Variants in TNXB observed in about 807,000 individuals in gnomAD.
TNXB encodes the protein tenascin-X.
TNXB carries 183 observed loss-of-function variants against 340.5 expected under a neutral mutation model. That is an observed-to-expected ratio of 0.54 (90% CI 0.48 to 0.61). TNXB has a LOEUF of 0.61. Among genes scored for constraint, TNXB ranks in the 20% least tolerant of loss-of-function variants. The pLI is 0.00. For synonymous variants in TNXB, 2,121 were observed against 2,314.5 expected, an observed-to-expected ratio of 0.92 and a Z score of 2.40; for missense variants, 4,613 against 5,446.4, an observed-to-expected ratio of 0.85 and a Z score of 4.82.
chr6:32,107,015 C>T (rs1319020853), intron 1 of TNXB, among the ~76,000 whole-genome samples: 1 of 152,280 alleles, frequency 6.6e-6, no homozygotes, highest in Non-Finnish European at 1.5e-5. Flanking sequence ...CCAATCTCCC[C>T]TTCAGGTTTC....
chr6:32,054,334 G>T (rs1198698211), intron 24 of TNXB, among the ~76,000 whole-genome samples: 2 of 152,146 alleles, frequency 1.3e-5, no homozygotes, highest in African/African-American at 4.8e-5. Flanking sequence ...CAGCTGCTGG[G>T]GCCATCTCAG....
chr6:32,097,621 A>G lies in TNXB; in HGVS notation c.404-172T>C. The G allele has an allele frequency of 1.8e-6, 2 of 1,095,344 alleles. No individual in the cohort carries two copies. The highest frequency in any genetic ancestry group is 2.5e-6 in the Non-Finnish European group (2 of 789,302). 67.9% of individuals were successfully genotyped at this position (1,095,344 alleles called of 1,614,324 possible). On this transcript the variant is annotated intron_variant, in intron 2 of 43. Coordinates refer to ENST00000644971, the MANE Select transcript of TNXB (RefSeq NM_001365276.2). This position sits in a 1 kb window ranked among gnomAD's most constrained non-coding sequence, Gnocchi z 5.9. ...ATGCAGCCTCTCAGGGCCCTCGCAT[A>G]TGCTTTGGTTGACATGTAGCCCAGC...
chr6:32,087,191 C>T lies in TNXB; in HGVS notation c.2780-1073G>A. 2.1e-6 allele frequency: 1 copy of T among 471,238 alleles called. No individual in the cohort carries two copies. Among genetic ancestry groups the T allele is most frequent in the East Asian group, 6.3e-5 (1 of 15,846 alleles). The allele number at this position is 471,238 out of a possible 1,614,324, so 29.2% of individuals were successfully genotyped here. ...AGTGGGAGGAATTCATGAATGCAGG[C>T]TCCAACGGCAGGTGAGGCTGGACAA... On this transcript the variant is annotated intron_variant, in intron 6 of 43. Coordinates refer to ENST00000644971, the MANE Select transcript of TNXB (RefSeq NM_001365276.2). This position sits in a 1 kb window ranked among gnomAD's most constrained non-coding sequence, Gnocchi z 9.0.
Position 32,063,897 on chromosome 6 carries a change from C to T in TNXB, c.6841+924G>A, listed in dbSNP as rs115105416. On this transcript the variant is annotated intron_variant, in intron 19 of 43. Transcript: ENST00000644971. ...ATGCCTTATTAAGTTGTGCACATGG[C>T]CAATATTTACAATTAAAGTAATAGT... is the stretch of plus-strand genomic sequence containing the variant. Among the ~76,000 whole-genome samples the T allele has an allele frequency of 1.7e-3, 258 of 152,170 alleles. 1 individual carries two copies. The highest frequency in any genetic ancestry group is 5.6e-3 in the South Asian group (27 of 4,822).
At chr6:32,048,315 C>G in intron 29 of TNXB, 48 bp downstream of exon 29, 1 of 1,471,084 alleles carries the variant, frequency 6.8e-7, no homozygotes, top group Non-Finnish European at 9.0e-7. Flanking sequence ...ACAGGTGCCA[C>G]AAGGGGGCGA....
chr6:32,076,846 G>T (rs972718987), intron 11 of TNXB, among the ~76,000 whole-genome samples: 1 of 152,140 alleles, frequency 6.6e-6, no homozygotes, highest in Non-Finnish European at 1.5e-5. Flanking sequence ...GCCGGGTGTG[G>T]TGGTGGGCGC....
In TNXB at chr6:32,069,283, A is replaced by C; in HGVS notation, c.5588-147T>G. 1.2e-6 allele frequency: 1 copy of C among 861,372 alleles called. No individual in the cohort carries two copies. The highest frequency in any genetic ancestry group is 2.7e-5 in the East Asian group (1 of 37,468). The allele number at this position is 861,372 out of a possible 1,614,324, so 53.4% of individuals were successfully genotyped here. The stretch of plus-strand genomic sequence containing the variant: ...CTGCACATGGGTGAATTTCAAAAGC[A>C]TTGTGCTAATTGCAAGAAATGAAAC... On this transcript the variant is annotated intron_variant, in intron 15 of 43. Transcript: ENST00000644971. This position sits in a 1 kb window ranked among gnomAD's most constrained non-coding sequence, Gnocchi z 6.2.
intron 1 of TNXB, among the ~76,000 whole-genome samples, chr6:32,107,333 T>A (rs1247977872): frequency 6.6e-6 from 1 of 152,048 alleles, no homozygotes; most frequent in East Asian, 1.9e-4. Context: ...GGAAAGCTGG[T>A]GAGATTGGTC....
Position 32,084,369 on chromosome 6 carries a change from C to G in TNXB, c.3445+44G>C. 1 of 1,527,474 alleles carries G rather than the reference C, an allele frequency of 6.5e-7. No individual in the cohort carries two copies. The highest frequency in any genetic ancestry group is 8.8e-7 in the Non-Finnish European group (1 of 1,131,904). The allele number at this position is 1,527,474 out of a possible 1,614,324, so 94.6% of individuals were successfully genotyped here. On this transcript the variant is annotated intron_variant, in intron 8 of 43. Transcript: ENST00000644971. The surrounding 1 kb of genome is among the most constrained non-coding windows in gnomAD (Gnocchi z 5.5). ...GGTTCCCAAAGCACTGAGAAAACCT[C>G]TTCAGGGCAGTACAGAGGGCAGGGT...
chr6:32,095,492 C>T, intron 3 of TNXB, 119 bp downstream of exon 3: 1 of 1,320,518 alleles, frequency 7.6e-7, no homozygotes, highest in South Asian at 1.4e-5. Flanking sequence ...CCCTGGTGGG[C>T]ACTGGCTCCT....
rs922860253 is a variant in TNXB, at chr6:32,046,699, C to T, written c.10325-243G>A. On this transcript the variant is annotated intron_variant, in intron 30 of 43. Transcript: ENST00000644971. This position sits in a 1 kb window ranked among gnomAD's most constrained non-coding sequence, Gnocchi z 6.9. ...TGCCCCGCCCCTTCCCTGCTGTGAT[C>T]GAGGATGCGCCAAATTCATTACAGA... The T allele has an allele frequency of 9.8e-5, 42 of 430,642 alleles. No homozygotes were observed. Among genetic ancestry groups the T allele is most frequent in the Middle Eastern group, 5.9e-4 (1 of 1,706 alleles). 26.7% of individuals were successfully genotyped at this position (430,642 alleles called of 1,614,324 possible).
intron 22 of TNXB, 98 bp downstream of exon 22, chr6:32,057,960 T>G (rs1391859678): frequency 7.3e-7 from 1 of 1,363,274 alleles, no homozygotes; most frequent in Non-Finnish European, 9.9e-7. Context: ...CCTTTCACTG[T>G]GAGCCCCATC....
At position 32,050,253 on chromosome 6, in the gene TNXB, G is replaced by C; in HGVS notation, c.9184C>G (p.Arg3062Gly). 6.2e-7 allele frequency: 1 copy of C among 1,613,622 alleles called. No individual in the cohort carries two copies. The highest frequency in any genetic ancestry group is 8.5e-7 in the Non-Finnish European group (1 of 1,179,868). The change falls in exon 27 of 44, where the codon CGC (arginine) becomes GGC (glycine). Residue 3062 changes from arginine (R) to glycine (G), a missense_variant. Arg to Gly is a moderately radical substitution (Grantham distance 125, BLOSUM62 -2). Around this residue, in one of 7 missense-constraint regions of TNXB, gnomAD observed 4,327 missense variants for 4,859.4 expected, o/e 0.89. Coordinates refer to ENST00000644971, the MANE Select transcript of TNXB (RefSeq NM_001365276.2). ...TCTGTCACGGTCAGCTCCCCCAGGC[G>C]AGGCTTGATGGGGGGCTCAGGGGTC... is the stretch of plus-strand genomic sequence containing the variant. ...TMTPEPPIKP[R>G]LGELTVTDAT...
chr6:32,064,434 G>A lies in TNXB; in HGVS notation c.6841+387C>T, dbSNP rs186516953. Reference sequence around the variant, plus strand: ...TCATGATGTTGGCCAGGCTGGTCTCGAACTCCTGACCTCAAGTGATCTGCC... The same window carrying A: ...TCATGATGTTGGCCAGGCTGGTCTCAAACTCCTGACCTCAAGTGATCTGCC... On this transcript the variant is annotated intron_variant, in intron 19 of 43. Transcript: ENST00000644971. This position sits in a 1 kb window ranked among gnomAD's most constrained non-coding sequence, Gnocchi z 5.3. Among the ~76,000 whole-genome samples the A allele has an allele frequency of 6.6e-6, 1 of 152,052 alleles. No individual in the cohort carries two copies. The highest frequency in any genetic ancestry group is 1.5e-5 in the Non-Finnish European group (1 of 68,004).
In TNXB at chr6:32,062,275, T is replaced by C; in HGVS notation, c.7050A>G (p.Pro2350=). Residue 2350 remains proline (P), a synonymous_variant, in exon 20 of 44, where the codon CCA becomes CCG. Coordinates refer to ENST00000644971, the MANE Select transcript of TNXB (RefSeq NM_001365276.2). This position sits in a 1 kb window ranked among gnomAD's most constrained non-coding sequence, Gnocchi z 4.3. ...AGATGGTGACCCTGTCCTCATGTCCTGGCACCCGTGTTGCCTTGGGCTGCC... is the reference window on the plus strand; with the variant it reads ...AGATGGTGACCCTGTCCTCATGTCCCGGCACCCGTGTTGCCTTGGGCTGCC... ...GDGQPKATRV[P]GHEDRVTISG... 1 of 1,613,388 alleles carries C rather than the reference T, an allele frequency of 6.2e-7. No homozygotes were observed. Among genetic ancestry groups the C allele is most frequent in the Non-Finnish European group, 8.5e-7 (1 of 1,179,844 alleles).
intron 24 of TNXB, among the ~76,000 whole-genome samples, chr6:32,054,833 C>T (rs773777284): frequency 8.5e-5 from 13 of 152,218 alleles, no homozygotes; most frequent in Non-Finnish European, 1.3e-4. Flanking sequence ...GCCACGGCTG[C>T]TTGGGGCTGG....
rs1232574553 is a variant in TNXB at position 32,051,926 on chromosome 6, G to A, written c.9115+744C>T. Among the ~76,000 whole-genome samples the A allele has an allele frequency of 6.6e-6, 1 of 152,198 alleles. No individual in the cohort carries two copies. The highest frequency in any genetic ancestry group is 2.4e-5 in the African/African-American group (1 of 41,436). On this transcript the variant is annotated intron_variant, in intron 26 of 43. Transcript: ENST00000644971. This position sits in a 1 kb window ranked among gnomAD's most constrained non-coding sequence, Gnocchi z 4.7. Reference sequence around the variant, plus strand: ...ATGGTGTTGCCAGGGGCTGGGGCAAGGGGAGAATGGGAGTTCGTGTCTAGT... The same window carrying A: ...ATGGTGTTGCCAGGGGCTGGGGCAAAGGGAGAATGGGAGTTCGTGTCTAGT...
In TNXB at chr6:32,087,237, C is replaced by T. The variant is rs1779831248; in HGVS notation, c.2780-1119G>A. The T allele has an allele frequency of 2.0e-6, 1 of 498,296 alleles. No homozygotes were observed. The highest frequency in any genetic ancestry group is 2.1e-5 in the Admixed American group (1 of 48,326). 30.9% of individuals were successfully genotyped at this position (498,296 alleles called of 1,614,324 possible). A position where few individuals can be genotyped will look rare whatever the true frequency, so the allele number is the denominator to read the frequency against. On this transcript the variant is annotated intron_variant, in intron 6 of 43. Coordinates refer to ENST00000644971, the MANE Select transcript of TNXB (RefSeq NM_001365276.2). The surrounding 1 kb of genome is among the most constrained non-coding windows in gnomAD (Gnocchi z 9.0). Reference sequence around the variant, plus strand: ...GACAAGGGATAGGTGTCCCGTGGCCCCAGCCCACACTACCTGTGGTGGTGA... The same window carrying T: ...GACAAGGGATAGGTGTCCCGTGGCCTCAGCCCACACTACCTGTGGTGGTGA...
Position 32,096,618 on chromosome 6 carries a change from C to T in TNXB, c.1235G>A (p.Gly412Asp). Reference sequence around the variant, plus strand: ...CACGCAGCGGCCGTCCTCGCAGCGGCCCCTTTGGTTGCAGTCGCCAGGGCA... The same window carrying T: ...CACGCAGCGGCCGTCCTCGCAGCGGTCCCTTTGGTTGCAGTCGCCAGGGCA... ...RSCPGDCNQR[G>D]RCEDGRCVCW... Residue 412 changes from glycine (G) to aspartate (D), a missense_variant, in exon 3 of 44, where the codon GGC becomes GAC. This residue lies in a region of TNXB where 4,327 missense variants were observed against 4,859.4 expected (regional missense o/e 0.89). Transcript: ENST00000644971. 6.4e-7 allele frequency: 1 copy of T among 1,562,928 alleles called. No individual in the cohort carries two copies. The highest frequency in any genetic ancestry group is 8.6e-7 in the Non-Finnish European group (1 of 1,158,758).
Sources: allele counts gnomAD v4.1 joint callset (sites outside exome capture counted in the v4.1 genomes callset), GRCh38; gene constraint gnomAD v4.1.1; regional missense constraint gnomAD v4.1.1; non-coding constraint Gnocchi (gnomAD v3.1); transcripts MANE v1.5; gene names NCBI Gene and HGNC (gene_info 2026-07-23, HGNC 2026-07-21).